The following SRD5A2 variants were observed in gnomAD, a reference collection of about 807,000 sequenced individuals.
The protein encoded by SRD5A2 is 3-oxo-5-alpha-steroid 4-dehydrogenase 2.
SRD5A2 carries 30 observed loss-of-function variants against 27.4 expected under a neutral mutation model. The observed-to-expected ratio is 1.10, with a 90% CI of 0.82 to 1.49. SRD5A2 has a LOEUF of 1.49. Among genes scored for constraint, SRD5A2 ranks in the 40% most tolerant of loss-of-function variants. The pLI is 0.00. For synonymous variants in SRD5A2, 141 were observed against 133.6 expected, an observed-to-expected ratio of 1.06 and a Z score of -0.38; for missense variants, 348 against 323.4, an observed-to-expected ratio of 1.08 and a Z score of -0.58.
chr2:31,630,007 A>G, the SRD5A2 span, among the ~76,000 whole-genome samples: 478 of 152,212 alleles, frequency 3.1e-3, 1 homozygote, highest in Non-Finnish European at 5.0e-3. Context: ...GTCCCTCTCA[A>G]TTTAGGCATA....
At chr2:31,585,610 C>A (rs1371630392), upstream of SRD5A2, among the ~76,000 whole-genome samples, 1 of 152,176 alleles carries the variant, frequency 6.6e-6, no homozygotes, top group Non-Finnish European at 1.5e-5. Context: ...CGTTCATCAC[C>A]TGCTAGCTGA....
At chr2:31,655,792 G>A in the SRD5A2 span, among the ~76,000 whole-genome samples, 18,428 of 152,136 alleles carry the variant, frequency 0.12, 1,498 homozygotes, top group Non-Finnish European at 0.16. Flanking sequence ...GCTCTTCTAC[G>A]TTTCCTCAGT....
intron 1 of SRD5A2, among the ~76,000 whole-genome samples, chr2:31,571,433 A>C (rs1432472674): frequency 1.3e-5 from 2 of 152,112 alleles, no homozygotes; most frequent in African/African-American, 4.8e-5. Flanking sequence ...GAAAACCTAG[A>C]AAATGCCATT....
At chr2:31,641,596 T>A in the SRD5A2 span, among the ~76,000 whole-genome samples, 1 of 152,210 alleles carries the variant, frequency 6.6e-6, no homozygotes, top group Non-Finnish European at 1.5e-5. Flanking sequence ...AATACAGAAA[T>A]ATATTTAAAA....
chr2:31,659,298 T>A, the SRD5A2 span, among the ~76,000 whole-genome samples: 12 of 152,032 alleles, frequency 7.9e-5, no homozygotes, highest in Non-Finnish European at 4.4e-5. Context: ...CTCTCAGAAC[T>A]CCTATTCAAC....
At chr2:31,586,257 C>T in the SRD5A2 span, among the ~76,000 whole-genome samples, 1 of 152,106 alleles carries the variant, frequency 6.6e-6, no homozygotes, top group Admixed American at 6.6e-5. Flanking sequence ...GCCAGGTAGA[C>T]TTCAAAGGTT....
rs1020839820 is a variant in SRD5A2, at chr2:31,522,957, T to A, written c.*3239A>T. 1 of 221,366 alleles carries A rather than the reference T, an allele frequency of 4.5e-6. No individual in the cohort carries two copies. Among genetic ancestry groups the A allele is most frequent in the East Asian group, 6.6e-5 (1 of 15,104 alleles). 13.7% of individuals were successfully genotyped at this position (221,366 alleles called of 1,614,324 possible). On this transcript the variant is annotated 3_prime_UTR_variant, in exon 5 of 5. Coordinates refer to ENST00000622030, the MANE Select transcript of SRD5A2 (RefSeq NM_000348.4). ...TAACCACAAAAATCCAAGAGAGCTA[T>A]TATCAAACTTCAGGGTTGTAAAACC...
the SRD5A2 span, among the ~76,000 whole-genome samples, chr2:31,615,836 G>A: frequency 6.6e-6 from 1 of 152,146 alleles, no homozygotes; most frequent in Non-Finnish European, 1.5e-5. Flanking sequence ...TGGTTTCATG[G>A]GCCAGACCCA....
the SRD5A2 span, among the ~76,000 whole-genome samples, chr2:31,658,147 A>T: frequency 6.6e-6 from 1 of 152,186 alleles, no homozygotes; most frequent in African/African-American, 2.4e-5. Flanking sequence ...TAAACAATTA[A>T]GGCAGAAATC....
At chr2:31,611,330 G>T in the SRD5A2 span, among the ~76,000 whole-genome samples, 2 of 152,108 alleles carry the variant, frequency 1.3e-5, no homozygotes, top group Non-Finnish European at 2.9e-5. Context: ...CGTTTGTTAT[G>T]CAACCGTAGT....
At chr2:31,546,722 A>G (rs1666269521) in intron 1 of SRD5A2, among the ~76,000 whole-genome samples, 1 of 152,200 alleles carries the variant, frequency 6.6e-6, no homozygotes, top group South Asian at 2.1e-4. Context: ...GATCGTTTGT[A>G]CACCACACCT....
At chr2:31,630,853 C>T in the SRD5A2 span, among the ~76,000 whole-genome samples, 2 of 152,076 alleles carry the variant, frequency 1.3e-5, no homozygotes, top group Admixed American at 6.6e-5. Flanking sequence ...TACAAAGGTC[C>T]GACCAGACCT....
Position 31,547,216 on chromosome 2 carries a change from G to C in SRD5A2, c.282-13450C>G, listed in dbSNP as rs555531972. 3.9e-5 allele frequency among the ~76,000 whole-genome samples: 6 copies of C among 152,330 alleles called. No individual in the cohort carries two copies. In the East Asian group the frequency reaches 1.2e-3, roughly 29 times the overall value. ...TAATATATATGGTTAAATGATTTTT[G>C]ACAAGGGTGCTATGATGGTTGATTT... On this transcript the variant is annotated intron_variant, in intron 1 of 4. Coordinates refer to ENST00000622030, the MANE Select transcript of SRD5A2 (RefSeq NM_000348.4).
intron 1 of SRD5A2, among the ~76,000 whole-genome samples, chr2:31,545,182 C>CA (rs1053394929): frequency 1.9e-4 from 27 of 145,420 alleles, no homozygotes; most frequent in East Asian, 6.0e-4. Flanking sequence ...CAAACTTTTC[C>CA]AAAAAAAAAA....
rs374072159 is a variant in SRD5A2, at chr2:31,522,948, A to G, written c.*3248T>C. ...GCCATGAGGTAACCACAAAAATCCA[A>G]GAGAGCTATTATCAAACTTCAGGGT... On this transcript the variant is annotated 3_prime_UTR_variant, in exon 5 of 5. Transcript: ENST00000622030. 1.1e-3 allele frequency: 239 copies of G among 221,684 alleles called. 3 individuals are homozygous for G. In the South Asian group the frequency reaches 0.041, roughly 38 times the overall value. The allele number at this position is 221,684 out of a possible 1,614,324, so 13.7% of individuals were successfully genotyped here.
the SRD5A2 span, among the ~76,000 whole-genome samples, chr2:31,590,217 T>A: frequency 5.1e-5 from 5 of 98,662 alleles, no homozygotes; most frequent in Admixed American, 1.5e-4. Context: ...ACAAAAGACA[T>A]AAACTCTTGG....
chr2:31,586,151 C>T, the SRD5A2 span, among the ~76,000 whole-genome samples: 3 of 152,116 alleles, frequency 2.0e-5, no homozygotes. Context: ...ATCACCCAAG[C>T]GGTGTACGCC....
At chr2:31,567,827 C>T (rs1448682861) in intron 1 of SRD5A2, among the ~76,000 whole-genome samples, 4 of 152,134 alleles carry the variant, frequency 2.6e-5, no homozygotes, top group Admixed American at 1.3e-4. Context: ...CTGAGTATTG[C>T]TCATGCCCAC....
intron 1 of SRD5A2, among the ~76,000 whole-genome samples, chr2:31,568,720 C>T (rs1234257208): frequency 6.6e-6 from 1 of 152,202 alleles, no homozygotes; most frequent in African/African-American, 2.4e-5. Context: ...CCACCATCCA[C>T]ATGCCATCCA....
Sources: gnomAD v4.1 joint callset for allele counts (sites outside exome capture counted in the v4.1 genomes callset) on GRCh38, gnomAD v4.1.1 for gene constraint, MANE v1.5 for transcripts, NCBI Gene and HGNC (gene_info 2026-07-23, HGNC 2026-07-21) for gene names.